SHISA6: variants seen among roughly 807,000 people sequenced by gnomAD.
The protein encoded by SHISA6 is protein shisa-6.
Under a neutral mutation model 47.9 loss-of-function variants are expected in SHISA6, and 22 were observed. The observed-to-expected ratio is 0.46, with a 90% CI of 0.33 to 0.66. SHISA6 has a LOEUF of 0.66. Among genes scored for constraint, SHISA6 ranks in the 30% least tolerant of loss-of-function variants. The pLI, the probability that SHISA6 is intolerant of heterozygous loss-of-function variation, is 0.02. For missense variants in SHISA6, 680 were observed against 764.6 expected, an observed-to-expected ratio of 0.89 and a Z score of 1.30; for synonymous variants, 388 against 337.8, an observed-to-expected ratio of 1.15 and a Z score of -1.63.
chr17:11,322,981 AG>A (rs1232498767), intron 2 of SHISA6, among the ~76,000 whole-genome samples: 2 of 152,194 alleles, frequency 1.3e-5, no homozygotes, highest in Non-Finnish European at 2.9e-5. Context: ...GAGTTAAACT[AG>A]GGGAAGAAAG....
At chr17:11,278,077 G>A (rs1046928673) in intron 2 of SHISA6, among the ~76,000 whole-genome samples, 2 of 152,092 alleles carry the variant, frequency 1.3e-5, no homozygotes, top group Admixed American at 6.6e-5. Flanking sequence ...ACCACAAACC[G>A]TTGGTATTAA....
intron 2 of SHISA6, among the ~76,000 whole-genome samples, chr17:11,361,897 C>T (rs921790371): frequency 6.6e-6 from 1 of 152,116 alleles, no homozygotes; most frequent in Admixed American, 6.5e-5. Flanking sequence ...CCATAAAGCA[C>T]TGTGCTGTGG....
intron 3 of SHISA6, among the ~76,000 whole-genome samples, chr17:11,413,637 G>A (rs1240890460): frequency 6.6e-6 from 1 of 152,108 alleles, no homozygotes; most frequent in South Asian, 2.1e-4. Context: ...CAGCCTCTGT[G>A]AATGGGGCAC....
At chr17:11,260,712 T>A (rs1341544458) in intron 1 of SHISA6, among the ~76,000 whole-genome samples, 3 of 152,004 alleles carry the variant, frequency 2.0e-5, no homozygotes, top group Non-Finnish European at 4.4e-5. Flanking sequence ...CTGCTCTCTC[T>A]TGCTTGGGGT....
At chr17:11,329,700 A>G (rs572480228) in intron 2 of SHISA6, among the ~76,000 whole-genome samples, 37 of 152,298 alleles carry the variant, frequency 2.4e-4, no homozygotes, top group African/African-American at 8.4e-4. Flanking sequence ...AAGATCTGCA[A>G]GAACCAGTTG....
intron 3 of SHISA6, among the ~76,000 whole-genome samples, chr17:11,446,326 A>G (rs1915235535): frequency 6.6e-6 from 1 of 152,204 alleles, no homozygotes; most frequent in Admixed American, 6.5e-5. Flanking sequence ...AGAACGAAGC[A>G]CACACACACC....
rs951120422 is a variant in SHISA6, at chr17:11,558,299, G to A, written c.1651G>A (p.Val551Met). 2.6e-6 allele frequency: 4 copies of A among 1,538,064 alleles called. No individual in the cohort carries two copies. Among genetic ancestry groups the A allele is most frequent in the East Asian group, 2.4e-5 (1 of 40,906 alleles). ...CACAGCCAGCAAGACCGAAGTGACC[G>A]TGTGACCGGCGGGGCAGGGCCGGGG... Reference protein sequence around the residue: ...CYTASKTEVTV With the variant: ...CYTASKTEVTM The change falls in exon 6 of 6, where the codon GTG (valine) becomes ATG (methionine). Residue 551 changes from valine to methionine, a missense_variant. By Grantham distance (21) the Val-to-Met change is conservative. Transcript: ENST00000441885.
intron 2 of SHISA6, among the ~76,000 whole-genome samples, chr17:11,348,387 C>T (rs1255813444): frequency 2.6e-5 from 4 of 152,058 alleles, no homozygotes; most frequent in South Asian, 2.1e-4. Flanking sequence ...TGATTTTTTG[C>T]CTCTTGTTAA....
intron 3 of SHISA6, among the ~76,000 whole-genome samples, chr17:11,513,246 G>T (rs544966955): frequency 6.6e-6 from 1 of 150,826 alleles, no homozygotes; most frequent in African/African-American, 2.4e-5. Flanking sequence ...ATATACATAC[G>T]TATATATGCA....
Position 11,388,481 on chromosome 17 carries a change from C to T in SHISA6, c.895+8972C>T, listed in dbSNP as rs78206972. ...GTCATTCGGATCTGCATATGTGGGA[C>T]GGCACCCCTGTTTACTTCATGTCTG... On this transcript the variant is annotated intron_variant, in intron 3 of 5. Coordinates refer to ENST00000441885, the MANE Select transcript of SHISA6 (RefSeq NM_207386.4). Among the ~76,000 whole-genome samples, 38 of 152,016 alleles carry T rather than the reference C, an allele frequency of 2.5e-4. No homozygotes were observed. The East Asian group carries it at 4.9e-3, about 20-fold the overall frequency.
At chr17:11,510,763 C>T (rs2071534784) in intron 3 of SHISA6, among the ~76,000 whole-genome samples, 1 of 152,166 alleles carries the variant, frequency 6.6e-6, no homozygotes, top group Admixed American at 6.5e-5. Flanking sequence ...GCAAGCAGTA[C>T]TATGTAATGA....
intron 2 of SHISA6, among the ~76,000 whole-genome samples, chr17:11,347,506 A>G (rs1414311240): frequency 2.0e-5 from 3 of 152,230 alleles, no homozygotes; most frequent in Non-Finnish European, 4.4e-5. Flanking sequence ...CATATTTCAC[A>G]TGTATTATCT....
intron 2 of SHISA6, among the ~76,000 whole-genome samples, chr17:11,306,720 C>T (rs1910122087): frequency 6.6e-6 from 1 of 152,186 alleles, no homozygotes; most frequent in South Asian, 2.1e-4. Context: ...GCAATAAATT[C>T]CCACAGATGA....
At chr17:11,249,228 G>T (rs565836318) in intron 1 of SHISA6, among the ~76,000 whole-genome samples, 1 of 151,844 alleles carries the variant, frequency 6.6e-6, no homozygotes, top group Non-Finnish European at 1.5e-5. Flanking sequence ...GAGACCTACC[G>T]GATCAATGCA....
chr17:11,438,705 G>A (rs1268496570), intron 3 of SHISA6, among the ~76,000 whole-genome samples: 3 of 152,108 alleles, frequency 2.0e-5, no homozygotes, highest in Non-Finnish European at 4.4e-5. Context: ...GTTTCAACAC[G>A]TGAATTTTGA....
At chr17:11,518,662 A>G (rs1355977596) in intron 3 of SHISA6, among the ~76,000 whole-genome samples, 2 of 152,164 alleles carry the variant, frequency 1.3e-5, no homozygotes, top group East Asian at 3.9e-4. Flanking sequence ...AGAATCACCT[A>G]GAGAGTTTTT....
chr17:11,244,224 C>T (rs1005959112), intron 1 of SHISA6, among the ~76,000 whole-genome samples: 4 of 152,166 alleles, frequency 2.6e-5, no homozygotes, highest in South Asian at 2.1e-4. Context: ...AAGTTCACCA[C>T]CTGATTTTAT....
intron 2 of SHISA6, among the ~76,000 whole-genome samples, chr17:11,335,299 C>T (rs945986769): frequency 2.0e-5 from 3 of 152,164 alleles, no homozygotes; most frequent in Admixed American, 6.5e-5. Flanking sequence ...CAAGTGCCAG[C>T]CATATTGGGT....
intron 3 of SHISA6, among the ~76,000 whole-genome samples, chr17:11,451,803 G>A (rs73284773): frequency 0.1 from 15,642 of 152,230 alleles, 1,046 homozygotes; most frequent in African/African-American, 0.17. Context: ...GCAGTGTGCT[G>A]CCTGTGCTGT....
Sources: allele counts gnomAD v4.1 joint callset (sites outside exome capture counted in the v4.1 genomes callset), GRCh38; gene constraint gnomAD v4.1.1; transcripts MANE v1.5; gene names NCBI Gene and HGNC (gene_info 2026-07-23, HGNC 2026-07-21).